TCAIM: variants seen among roughly 807,000 people sequenced by gnomAD.
TCAIM encodes T cell activation inhibitor, mitochondrial, also known as T-cell activation inhibitor, mitochondrial.
A neutral mutation model predicts 58.6 loss-of-function variants in TCAIM; 36 were observed. The ratio of observed to expected loss-of-function variants is 0.61; its 90% CI spans 0.47 to 0.81. The LOEUF (loss-of-function observed/expected upper bound fraction) is 0.81. Among genes scored for constraint, TCAIM ranks in the 30% least tolerant of loss-of-function variants. TCAIM has a pLI of 0.00. For missense variants in TCAIM, 466 were observed against 579.6 expected (o/e 0.80, Z 2.01); for synonymous variants, 172 against 193.6 (o/e 0.89, Z 0.93).
chr3:44,393,016 G>A, intron 6 of TCAIM, 39 bp downstream of exon 6: 1 of 1,573,022 alleles, frequency 6.4e-7, no homozygotes, highest in Non-Finnish European at 8.7e-7. Context: ...AAATTGAAAT[G>A]AATATGAATT....
rs575550649 is a variant in TCAIM at position 44,369,015 on chromosome 3, C to T, written c.572+1307C>T. The stretch of plus-strand genomic sequence containing the variant: ...TCCAGCCTGGGTGACAAAGTGAGAC[C>T]CTGTCTCCAAAAAATAATAAATAAA... On this transcript the variant is annotated intron_variant, in intron 5 of 10. Transcript: ENST00000342649. 3.3e-5 allele frequency among the ~76,000 whole-genome samples: 5 copies of T among 152,090 alleles called. No individual in the cohort carries two copies. The East Asian group carries it at 5.8e-4, about 18-fold the overall frequency.
intron 4 of TCAIM, among the ~76,000 whole-genome samples, chr3:44,363,428 A>G (rs377155354): frequency 6.6e-6 from 1 of 152,314 alleles, no homozygotes; most frequent in Admixed American, 6.5e-5. Context: ...AATCAAGTAG[A>G]TTTTTAAAAA....
intron 5 of TCAIM, among the ~76,000 whole-genome samples, chr3:44,368,252 A>G (rs1183905574): frequency 6.6e-6 from 1 of 152,224 alleles, no homozygotes; most frequent in South Asian, 2.1e-4. Context: ...ATTATTTGGC[A>G]TGCCTTATTT....
At chr3:44,399,069 T>A (rs1305849539) in intron 8 of TCAIM, among the ~76,000 whole-genome samples, 1 of 152,038 alleles carries the variant, frequency 6.6e-6, no homozygotes, top group Non-Finnish European at 1.5e-5. Context: ...ATGGAACTCC[T>A]GTGTGTTTTG....
intron 5 of TCAIM, among the ~76,000 whole-genome samples, chr3:44,368,454 C>T (rs1701414711): frequency 6.6e-6 from 1 of 152,184 alleles, no homozygotes; most frequent in South Asian, 2.1e-4. Context: ...AGGGATTCCT[C>T]CTTGCTACCT....
Position 44,409,445 on chromosome 3 carries a change from C to G in TCAIM, c.*1763C>G, listed in dbSNP as rs1702147985. Reference sequence around the variant, plus strand: ...GTTACATAATAAATAATACATCAACCAGATAACTGTTTTTTTCTTGTTACC... The same window carrying G: ...GTTACATAATAAATAATACATCAACGAGATAACTGTTTTTTTCTTGTTACC... On this transcript the variant is annotated 3_prime_UTR_variant, in exon 11 of 11. Transcript: ENST00000342649. 6.6e-6 allele frequency: 1 copy of G among 152,176 alleles called. No homozygotes were observed. Among genetic ancestry groups the G allele is most frequent in the Non-Finnish European group, 1.5e-5 (1 of 68,024 alleles). 9.4% of individuals were successfully genotyped at this position (152,176 alleles called of 1,614,324 possible). A position where few individuals can be genotyped will look rare whatever the true frequency, so the allele number is the denominator to read the frequency against.
At chr3:44,365,808 T>A (rs1000915258) in intron 4 of TCAIM, among the ~76,000 whole-genome samples, 2 of 152,242 alleles carry the variant, frequency 1.3e-5, no homozygotes, top group African/African-American at 4.8e-5. Flanking sequence ...AACTTAATTT[T>A]AAATTTTTAT....
rs893956272 is a variant in TCAIM, at chr3:44,351,289, C to A, written c.-44-3450C>A. ...CAAGGTCATAGGTGGATCTTTCTTA[C>A]GGAGCAAAGAGCAGGAGAACATGCA... On this transcript the variant is annotated intron_variant, in intron 1 of 10. Transcript: ENST00000342649. 2.0e-5 allele frequency among the ~76,000 whole-genome samples: 3 copies of A among 151,926 alleles called. No homozygotes were observed. In the East Asian group the frequency reaches 5.8e-4, roughly 30 times the overall value.
chr3:44,401,661 T>C (rs1363585821), intron 10 of TCAIM, among the ~76,000 whole-genome samples: 3 of 152,236 alleles, frequency 2.0e-5, no homozygotes, highest in East Asian at 1.9e-4. Flanking sequence ...TTTATTGTTT[T>C]AAAATTTTCA....
chr3:44,339,260 T>A (rs894934622), intron 1 of TCAIM, among the ~76,000 whole-genome samples: 2 of 152,212 alleles, frequency 1.3e-5, no homozygotes, highest in Non-Finnish European at 2.9e-5. Flanking sequence ...CTCCTTGATA[T>A]AACAAACTGC....
At chr3:44,380,601 A>G (rs1338568378) in intron 5 of TCAIM, among the ~76,000 whole-genome samples, 1 of 152,140 alleles carries the variant, frequency 6.6e-6, no homozygotes, top group African/African-American at 2.4e-5. Flanking sequence ...AAAAAAGAAT[A>G]AACTAAACCC....
At chr3:44,395,203 T>C (rs1050875346) in intron 6 of TCAIM, among the ~76,000 whole-genome samples, 30 of 152,018 alleles carry the variant, frequency 2.0e-4, no homozygotes, top group Middle Eastern at 3.4e-3. Flanking sequence ...TAATTTCAAG[T>C]AATCAAAAAT....
chr3:44,339,021 G>A (rs772135412), intron 1 of TCAIM, among the ~76,000 whole-genome samples, 187 bp downstream of exon 1: 7 of 152,318 alleles, frequency 4.6e-5, no homozygotes, highest in Non-Finnish European at 1.0e-4. Context: ...AGAACGCAAA[G>A]ACGATTTAGG....
In TCAIM at chr3:44,400,433, G is replaced by A. The variant is rs755989157; in HGVS notation, c.964G>A (p.Gly322Ser). 2.5e-6 allele frequency: 4 copies of A among 1,613,754 alleles called. No individual in the cohort carries two copies. In the South Asian group the frequency reaches 4.4e-5, roughly 18 times the overall value. ...AGAAGACCAAATAAGCTATCTTTTA[G>A]GTGGCATACAAGTTGTTTATATTGA... ...ILEDQISYLLGGIQVVYIEEL... is the reference protein window; with the variant it reads ...ILEDQISYLLSGIQVVYIEEL... The change falls in exon 9 of 11, where the codon GGT becomes AGT. Residue 322 changes from glycine to serine, a missense_variant. Transcript: ENST00000342649.
At chr3:44,370,228 G>A (rs1701442616) in intron 5 of TCAIM, among the ~76,000 whole-genome samples, 1 of 152,064 alleles carries the variant, frequency 6.6e-6, no homozygotes, top group Non-Finnish European at 1.5e-5. Flanking sequence ...TTGGGAGGCC[G>A]AGGCAGGCGG....
At chr3:44,405,071 C>T (rs1197898275) in intron 10 of TCAIM, among the ~76,000 whole-genome samples, 1 of 152,130 alleles carries the variant, frequency 6.6e-6, no homozygotes. Context: ...TTGGCATTGC[C>T]TGGCTGGCAT....
chr3:44,362,314 T>C, intron 4 of TCAIM: 3 of 399,356 alleles, frequency 7.5e-6, no homozygotes, highest in Non-Finnish European at 8.9e-6. Context: ...GTGTGACCTT[T>C]AACTTTTGGG....
intron 2 of TCAIM, 125 bp downstream of exon 2, chr3:44,354,936 C>A: frequency 1.7e-6 from 2 of 1,162,372 alleles, no homozygotes; most frequent in Non-Finnish European, 2.4e-6. Flanking sequence ...AAAGCTGGAA[C>A]AAAAAGAAAG....
rs1702001916 is a variant in TCAIM, at chr3:44,400,355, C to G, written c.886C>G (p.Leu296Val). 5 of 1,611,684 alleles carry G rather than the reference C, an allele frequency of 3.1e-6. No individual in the cohort carries two copies. The East Asian group carries it at 1.1e-4, about 36-fold the overall frequency. The change falls in exon 9 of 11, where the codon CTT becomes GTT. Residue 296 changes from leucine to valine, a missense_variant and splice_region_variant. Leu to Val is a conservative substitution (Grantham distance 32). Transcript: ENST00000342649. The stretch of plus-strand genomic sequence containing the variant: ...TTCTTTCCCTTTGTTAACACTGTAG[C>G]TTTTTGAAAGATTGCCAAGTTATTT... ...TMDVHHHWTK[L>V]FERLPSYFDL...
Sources: allele counts gnomAD v4.1 joint callset (sites outside exome capture counted in the v4.1 genomes callset), GRCh38; gene constraint gnomAD v4.1.1; transcripts MANE v1.5; gene names NCBI Gene and HGNC (gene_info 2026-07-23, HGNC 2026-07-21).